The following PTGDS variants were observed in gnomAD, a reference collection of about 807,000 sequenced individuals.
The protein encoded by PTGDS is prostaglandin D2 synthase.
Under a neutral mutation model 28.4 loss-of-function variants are expected in PTGDS, and 21 were observed. That is an observed-to-expected ratio of 0.74 (90% confidence interval 0.52 to 1.07). The LOEUF (loss-of-function observed/expected upper bound fraction) is 1.07. PTGDS is among the 50% of genes least tolerant of loss of function. The probability of loss-of-function intolerance (pLI) is 0.00; values close to 1 mark genes in which losing one functional copy is unlikely to be tolerated. For synonymous variants in PTGDS, 102 were observed against 106.0 expected (o/e 0.96, Z 0.23); for missense variants, 243 against 247.7 (o/e 0.98, Z 0.13).
In PTGDS at chr9:136,979,261, C is replaced by T. The variant is rs1318273947; in HGVS notation, c.293C>T (p.Pro98Leu). Residue 98 changes from proline to leucine, a missense_variant, in exon 3 of 7, where the codon CCC becomes CTC. Pro to Leu is a moderately conservative substitution (Grantham distance 98, BLOSUM62 -3). Transcript: ENST00000371625. ...QCETRTMLLQ[P>L]AGSLGSYSYR... ...GAGACCCGAACCATGCTGCTGCAGC[C>T]CGCGGGGTCCCTCGGCTCCTACAGC... The T allele has an allele frequency of 6.2e-7, 1 of 1,612,388 alleles. No homozygotes were observed. Among genetic ancestry groups the T allele is most frequent in the African/African-American group, 1.3e-5 (1 of 74,884 alleles).
At chr9:136,980,314 A>G (rs1830434285) in intron 5 of PTGDS, 30 bp downstream of exon 5, 1 of 1,607,454 alleles carries the variant, frequency 6.2e-7, no homozygotes, top group East Asian at 2.2e-5. Flanking sequence ...TGGGGAGAGG[A>G]TCAAGGTCAG....
chr9:136,981,028 C>A (rs774729098), intron 6 of PTGDS, 173 bp downstream of exon 6: 3 of 915,066 alleles, frequency 3.3e-6, no homozygotes, highest in African/African-American at 3.4e-5. Context: ...TGGGGCTGCC[C>A]ACATTGATGG....
In PTGDS at chr9:136,979,577, C is replaced by T. The variant is rs572666276; in HGVS notation, c.331+278C>T. 2.9e-4 allele frequency: 267 copies of T among 910,150 alleles called. 1 individual carries two copies. The African/African-American group carries it at 3.9e-3, about 13-fold the overall frequency. 56.4% of individuals were successfully genotyped at this position (910,150 alleles called of 1,614,324 possible). On this transcript the variant is annotated intron_variant, in intron 3 of 6. Coordinates refer to ENST00000371625, the MANE Select transcript of PTGDS (RefSeq NM_000954.6). ...CTGGAGTTTTCCCCACATAAGCAGCCCCCCAAGGCCCCTCCATATGCCTCC... is the reference window on the plus strand; with the variant it reads ...CTGGAGTTTTCCCCACATAAGCAGCTCCCCAAGGCCCCTCCATATGCCTCC...
chr9:136,979,422 G>A (rs1216341835), intron 3 of PTGDS, 123 bp downstream of exon 3: 3 of 1,560,888 alleles, frequency 1.9e-6, no homozygotes, highest in African/African-American at 1.4e-5. Context: ...CCCCACCAGC[G>A]TCAGAGGCAA....
At position 136,980,067 on chromosome 9, in the gene PTGDS, G is replaced by A. The variant is rs199511352; in HGVS notation, c.448+5G>A. 16 of 1,610,130 alleles carry A rather than the reference G, an allele frequency of 9.9e-6. No homozygotes were observed. Among genetic ancestry groups the A allele is most frequent in the Middle Eastern group, 1.7e-4 (1 of 6,042 alleles). ...TCCGCATGGCCACCCTCTACAGTAC[G>A]TGCCCCGTGGACGCCGCCCACACGC... On this transcript the variant is annotated splice_donor_5th_base_variant and intron_variant, in intron 4 of 6. Transcript: ENST00000371625.
chr9:136,980,181 A>G lies in PTGDS; in HGVS notation c.449-2A>G. 2 of 1,613,650 alleles carry G rather than the reference A, an allele frequency of 1.2e-6. No individual in the cohort carries two copies. The highest frequency in any genetic ancestry group is 1.7e-6 in the Non-Finnish European group (2 of 1,179,926). On this transcript the variant is annotated splice_acceptor_variant, in intron 4 of 6. Transcript: ENST00000371625. LOFTEE classifies it high-confidence loss of function. ...GCCAGCTCCGTCTCCACCCTGTCCC[A>G]GGCCGAACCCAGACCCCCAGGGCTG...
chr9:136,980,641 C>T, intron 5 of PTGDS, 192 bp from the exon 6 acceptor site: 1 of 1,543,830 alleles, frequency 6.5e-7, no homozygotes, highest in Non-Finnish European at 8.8e-7. Flanking sequence ...ACAGCCTGCT[C>T]TTGGCAGAGG....
chr9:136,977,536 A>T lies in PTGDS; in HGVS notation c.-43A>T. The T allele has an allele frequency of 6.9e-7, 1 of 1,448,226 alleles. No individual in the cohort carries two copies. Among genetic ancestry groups the T allele is most frequent in the Non-Finnish European group, 9.5e-7 (1 of 1,056,140 alleles). 89.7% of individuals were successfully genotyped at this position (1,448,226 alleles called of 1,614,324 possible). A position where few individuals can be genotyped will look rare whatever the true frequency, so the allele number is the denominator to read the frequency against. ...CTGCACACCTCCCTCGCTCTCCCAC[A>T]CCACTGGCACCAGGCCCCGGACACC... is the stretch of plus-strand genomic sequence containing the variant. On this transcript the variant is annotated 5_prime_UTR_variant, in exon 1 of 7. Transcript: ENST00000371625.
chr9:136,981,222 G>A (rs34012410), intron 6 of PTGDS, among the ~76,000 whole-genome samples: 1 of 152,128 alleles, frequency 6.6e-6, no homozygotes, highest in Non-Finnish European at 1.5e-5. Context: ...AAACCAGGGT[G>A]GGGGAGACAG....
chr9:136,979,246 C>T lies in PTGDS; in HGVS notation c.278C>T (p.Thr93Ile), dbSNP rs1439943251. 1.2e-6 allele frequency: 2 copies of T among 1,612,960 alleles called. No homozygotes were observed. Among genetic ancestry groups the T allele is most frequent in the Non-Finnish European group, 1.7e-6 (2 of 1,179,846 alleles). ...FLRKNQCETR[T>I]MLLQPAGSLG... is the part of the protein sequence containing the mutation. ...AGGAAAAACCAGTGTGAGACCCGAA[C>T]CATGCTGCTGCAGCCCGCGGGGTCC... The change falls in exon 3 of 7, where the codon ACC becomes ATC. Residue 93 changes from threonine to isoleucine, a missense_variant. Thr to Ile is a moderately conservative substitution (Grantham distance 89, BLOSUM62 -1). Coordinates refer to ENST00000371625, the MANE Select transcript of PTGDS (RefSeq NM_000954.6).
chr9:136,980,932 A>G, intron 6 of PTGDS, 77 bp downstream of exon 6: 1 of 1,504,508 alleles, frequency 6.6e-7, no homozygotes, highest in Non-Finnish European at 8.9e-7. Flanking sequence ...CCACTCTGCG[A>G]TGGGATGGAT....
intron 1 of PTGDS, 132 bp from the exon 2 acceptor site, chr9:136,978,861 G>C (rs1226647614): frequency 1.5e-6 from 2 of 1,342,374 alleles, no homozygotes; most frequent in African/African-American, 3.1e-5. Context: ...GGGCGTGGCT[G>C]CTCGGGGGAT....
intron 5 of PTGDS, 74 bp downstream of exon 5, chr9:136,980,358 G>T (rs1429082002): frequency 2.0e-6 from 3 of 1,504,772 alleles, no homozygotes; most frequent in Non-Finnish European, 2.7e-6. Context: ...CTGACTGGGG[G>T]AGGCAGAGGG....
intron 5 of PTGDS, chr9:136,980,530 T>A: frequency 1.0e-6 from 1 of 969,856 alleles, no homozygotes; most frequent in East Asian, 2.7e-5. Flanking sequence ...GCTCCCAGGA[T>A]GTGGGGCTTC....
intron 3 of PTGDS, chr9:136,979,567 C>A: frequency 2.9e-6 from 3 of 1,044,524 alleles, no homozygotes; most frequent in Non-Finnish European, 4.1e-6. Flanking sequence ...GTTTTCCCCA[C>A]ATAAGCAGCC....
chr9:136,980,186 G>GA lies in PTGDS; in HGVS notation c.454dup (p.Thr152AsnfsTer7). Reference sequence around the variant, plus strand: ...CTCCGTCTCCACCCTGTCCCAGGCCGAACCCAGACCCCCAGGGCTGAGTTA... The same window carrying GA: ...CTCCGTCTCCACCCTGTCCCAGGCCGAAACCCAGACCCCCAGGGCTGAGTTA... On this transcript the variant is annotated frameshift_variant, in exon 5 of 7. Coordinates refer to ENST00000371625, the MANE Select transcript of PTGDS (RefSeq NM_000954.6). LOFTEE classifies it high-confidence loss of function. 1 of 1,613,750 alleles carries GA rather than the reference G, an allele frequency of 6.2e-7. No individual in the cohort carries two copies. Among genetic ancestry groups the GA allele is most frequent in the Non-Finnish European group, 8.5e-7 (1 of 1,179,954 alleles).
chr9:136,977,898 G>C (rs1173714854), intron 1 of PTGDS, among the ~76,000 whole-genome samples: 2 of 152,134 alleles, frequency 1.3e-5, no homozygotes, highest in Non-Finnish European at 2.9e-5. Context: ...TGGGCACCGC[G>C]TCCCGTCTCC....
chr9:136,979,229 C>A lies in PTGDS; in HGVS notation c.261C>A (p.Asn87Lys). The A allele has an allele frequency of 6.2e-7, 1 of 1,613,068 alleles. No individual in the cohort carries two copies. The highest frequency in any genetic ancestry group is 8.5e-7 in the Non-Finnish European group (1 of 1,179,856). ...LNLTSTFLRK[N>K]QCETRTMLLQ... ...TGAGGTCACCCACCTACAGGAAAAA[C>A]CAGTGTGAGACCCGAACCATGCTGC... Residue 87 changes from asparagine (N) to lysine (K), a missense_variant, in exon 3 of 7, where the codon AAC becomes AAA. Transcript: ENST00000371625.
chr9:136,979,197 CT>C (rs1830419548), intron 2 of PTGDS, 25 bp from the exon 3 acceptor site: 2 of 1,613,162 alleles, frequency 1.2e-6, no homozygotes, highest in East Asian at 4.5e-5. Context: ...GGCCTAACCC[CT>C]GACCCTGAGG....
Sources: allele counts gnomAD v4.1 joint callset (sites outside exome capture counted in the v4.1 genomes callset), GRCh38; gene constraint gnomAD v4.1.1; transcripts MANE v1.5; gene names NCBI Gene and HGNC (gene_info 2026-07-23, HGNC 2026-07-21).